The following NAA25 variants were observed in gnomAD, a reference collection of about 807,000 sequenced individuals.
The protein encoded by NAA25 is N-terminal acetyltransferase B complex subunit NAA25.
Under a neutral mutation model 132.5 loss-of-function variants are expected in NAA25, and 30 were observed. That is an observed-to-expected ratio of 0.23 (90% CI 0.17 to 0.31). The LOEUF (loss-of-function observed/expected upper bound fraction) is 0.31, where lower values mean the gene tolerates loss of function less well. Among genes scored for constraint, NAA25 ranks in the 10% least tolerant of loss-of-function variants. The probability of loss-of-function intolerance (pLI) is 1.00; values close to 1 mark genes in which losing one functional copy is unlikely to be tolerated. For synonymous variants in NAA25, 359 were observed against 401.9 expected (o/e 0.89, Z 1.28); for missense variants, 771 against 1,150.4 (o/e 0.67, Z 4.77).
chr12:112,041,051 CA>C (rs2078293929), intron 20 of NAA25, among the ~76,000 whole-genome samples: 1 of 151,930 alleles, frequency 6.6e-6, no homozygotes, highest in Non-Finnish European at 1.5e-5. Context: ...CTTGGTGGTG[CA>C]CGCCAGTAGT....
chr12:112,088,802 T>C (rs1236325403), intron 3 of NAA25, among the ~76,000 whole-genome samples: 1 of 152,072 alleles, frequency 6.6e-6, no homozygotes, highest in African/African-American at 2.4e-5. Context: ...GCATTTTTAG[T>C]AGAGATGGGG....
rs2078433009 is a variant in NAA25, at chr12:112,049,588, C to T, written c.1729-1145G>A. 2 of 985,824 alleles carry T rather than the reference C, an allele frequency of 2.0e-6. No individual in the cohort carries two copies. Among genetic ancestry groups the T allele is most frequent in the South Asian group, 4.7e-5 (1 of 21,290 alleles). 61.1% of individuals were successfully genotyped at this position (985,824 alleles called of 1,614,324 possible). A position where few individuals can be genotyped will look rare whatever the true frequency, so the allele number is the denominator to read the frequency against. On this transcript the variant is annotated intron_variant, in intron 15 of 23. Coordinates refer to ENST00000261745, the MANE Select transcript of NAA25 (RefSeq NM_024953.4). This position sits in a 1 kb window ranked among gnomAD's most constrained non-coding sequence, Gnocchi z 4.7. ...GCTTTTAAACCCCCATGGGACACCT[C>T]GGCGAGCTGTTTGCCTGCAGTATCT...
chr12:112,090,424 T>C (rs2079113474), intron 3 of NAA25: 1 of 242,974 alleles, frequency 4.1e-6, no homozygotes, highest in Non-Finnish European at 7.8e-6. Flanking sequence ...GGGTTTATTA[T>C]TCTATTCTAT....
At chr12:112,107,948 A>T (rs2079388117) in intron 1 of NAA25, among the ~76,000 whole-genome samples, 3 of 152,194 alleles carry the variant, frequency 2.0e-5, no homozygotes, top group Admixed American at 2.0e-4. Flanking sequence ...GGTTGAGGTA[A>T]GAGTTGTGGA....
In NAA25 at chr12:112,083,909, G is replaced by C. The variant is rs538754602; in HGVS notation, c.403-2775C>G. 2.0e-5 allele frequency among the ~76,000 whole-genome samples: 3 copies of C among 152,034 alleles called. No homozygotes were observed. The South Asian group carries it at 6.2e-4, about 32-fold the overall frequency. On this transcript the variant is annotated intron_variant, in intron 4 of 23. Coordinates refer to ENST00000261745, the MANE Select transcript of NAA25 (RefSeq NM_024953.4). ...AATGCTTAAAAATAAATAAAAGTTA[G>C]GAAATTCATTTTACTTGAGAATATG... is the stretch of plus-strand genomic sequence containing the variant.
chr12:112,052,928 T>C (rs1225308083), intron 15 of NAA25, among the ~76,000 whole-genome samples: 1 of 152,210 alleles, frequency 6.6e-6, no homozygotes, highest in Non-Finnish European at 1.5e-5. Context: ...GTCAACTGAG[T>C]ACAGACCGTA....
intron 1 of NAA25, among the ~76,000 whole-genome samples, chr12:112,105,538 A>G (rs1409136932): frequency 6.6e-6 from 1 of 152,238 alleles, no homozygotes; most frequent in Non-Finnish European, 1.5e-5. Context: ...TGCACACAGA[A>G]AAGCTATTCC....
At chr12:112,062,602 T>C (rs2078651013) in intron 11 of NAA25, among the ~76,000 whole-genome samples, 1 of 151,432 alleles carries the variant, frequency 6.6e-6, no homozygotes, top group Non-Finnish European at 1.5e-5. Flanking sequence ...GGTGGGTGCC[T>C]GTAATCCCAA....
intron 1 of NAA25, among the ~76,000 whole-genome samples, chr12:112,096,760 C>T (rs898505462): frequency 6.6e-6 from 1 of 152,202 alleles, no homozygotes; most frequent in Non-Finnish European, 1.5e-5. Context: ...ATAAACGACA[C>T]CCTCTCTTCC....
At chr12:112,065,708 T>C (rs1370425030) in intron 11 of NAA25, 1 of 152,094 alleles carries the variant, frequency 6.6e-6, no homozygotes, top group Admixed American at 6.6e-5. Context: ...TTTTATTGTT[T>C]AGCTAAAACC....
rs1196837493 is a variant in NAA25 at position 112,101,743 on chromosome 12, T to C, written c.58+6973A>G. ...TTGCACTCCAGCCCAGGTGACAGAG[T>C]GAGACTGCATCTTAAAAAATCTATC... On this transcript the variant is annotated intron_variant, in intron 1 of 23. Coordinates refer to ENST00000261745, the MANE Select transcript of NAA25 (RefSeq NM_024953.4). 2.0e-5 allele frequency among the ~76,000 whole-genome samples: 3 copies of C among 149,660 alleles called. No homozygotes were observed. The Admixed American group carries it at 2.0e-4, about 10-fold the overall frequency.
At position 112,043,851 on chromosome 12, in the gene NAA25, T is replaced by G. The variant is rs745318640; in HGVS notation, c.2024A>C (p.His675Pro). Residue 675 changes from histidine (H) to proline (P), a missense_variant, in exon 18 of 24, where the codon CAT becomes CCT. Physicochemically the swap from His to Pro is moderately conservative, Grantham distance 77 (BLOSUM62 -2). Coordinates refer to ENST00000261745, the MANE Select transcript of NAA25 (RefSeq NM_024953.4). Reference sequence around the variant, plus strand: ...CTCCTCCTCTAAGGAAAGTTTCTTATGTTCTTCAGAAACGTCCCTTAAACA... The same window carrying G: ...CTCCTCCTCTAAGGAAAGTTTCTTAGGTTCTTCAGAAACGTCCCTTAAACA... ...DPKDRDVSEE[H>P]KKLSLEEETL... is the part of the protein sequence containing the mutation. 1 of 1,613,350 alleles carries G rather than the reference T, an allele frequency of 6.2e-7. No individual in the cohort carries two copies.
At position 112,054,568 on chromosome 12, in the gene NAA25, C is replaced by T. The variant is rs769717364; in HGVS notation, c.1448G>A (p.Gly483Asp). 9.3e-6 allele frequency: 15 copies of T among 1,612,508 alleles called. No individual in the cohort carries two copies. The highest frequency in any genetic ancestry group is 1.3e-5 in the Non-Finnish European group (15 of 1,179,490). The change falls in exon 14 of 24, where the codon GGT becomes GAT. Residue 483 changes from glycine (G) to aspartate (D), a missense_variant and splice_region_variant. Transcript: ENST00000261745. ...HALIDVWRET[G>D]DETTVWQALT... ...GGCCTGCCACACAGTGGTCTCATCA[C>T]CTAGAACCAAAATACAGCATTATCC...
intron 17 of NAA25, among the ~76,000 whole-genome samples, chr12:112,045,151 G>T (rs2078359704): frequency 6.6e-6 from 1 of 152,146 alleles, no homozygotes. Flanking sequence ...GTTTGGTATA[G>T]ATCTTTTTAG....
chr12:112,087,621 G>A, intron 4 of NAA25, 62 bp downstream of exon 4: 1 of 1,167,552 alleles, frequency 8.6e-7, no homozygotes, highest in Non-Finnish European at 1.3e-6. Flanking sequence ...TAAATCACAA[G>A]AAAGAGACTT....
chr12:112,095,641 G>T (rs1479894209), intron 1 of NAA25, among the ~76,000 whole-genome samples: 3 of 143,770 alleles, frequency 2.1e-5, no homozygotes, highest in Non-Finnish European at 4.6e-5. Context: ...AACAAGAAAT[G>T]AACTATCAAG....
At chr12:112,031,848 G>C (rs746861783) in intron 23 of NAA25, among the ~76,000 whole-genome samples, 7 of 151,126 alleles carry the variant, frequency 4.6e-5, no homozygotes, top group Non-Finnish European at 7.4e-5. Context: ...TTTCTACCTG[G>C]TGAAAACCAA....
intron 3 of NAA25, among the ~76,000 whole-genome samples, chr12:112,088,328 T>G (rs987928897): frequency 2.2e-4 from 31 of 143,876 alleles, no homozygotes; most frequent in Admixed American, 5.5e-4. Context: ...TTTTTTTTTT[T>G]TTTTTTTTTT....
chr12:112,038,566 G>A (rs899181034), intron 22 of NAA25, among the ~76,000 whole-genome samples: 12 of 152,020 alleles, frequency 7.9e-5, no homozygotes, highest in African/African-American at 1.5e-4. Context: ...TTTTTCTGTA[G>A]GTGTATAATT....
Sources: allele counts gnomAD v4.1 joint callset (sites outside exome capture counted in the v4.1 genomes callset), GRCh38; gene constraint gnomAD v4.1.1; non-coding constraint Gnocchi (gnomAD v3.1); transcripts MANE v1.5; gene names NCBI Gene and HGNC (gene_info 2026-07-23, HGNC 2026-07-21).